KCNC2: variants seen among roughly 807,000 people sequenced by gnomAD.
KCNC2 encodes the protein voltage-gated potassium channel KCNC2.
In KCNC2, 21 loss-of-function variants were observed where a neutral mutation model predicts 44.5. That is an observed-to-expected ratio of 0.47 (90% CI 0.33 to 0.68). The LOEUF is 0.68. Among genes scored for constraint, KCNC2 ranks in the 30% least tolerant of loss-of-function variants. KCNC2 has a pLI of 0.01. For missense variants in KCNC2, 589 were observed against 826.2 expected (o/e 0.71, Z 3.52); for synonymous variants, 391 against 339.1 (o/e 1.15, Z -1.68).
intron 2 of KCNC2, among the ~76,000 whole-genome samples, chr12:75,182,263 C>T (rs765866471): frequency 6.6e-5 from 10 of 151,710 alleles, no homozygotes; most frequent in East Asian, 2.0e-4. Context: ...TGGTGGCTCA[C>T]GCCTGTAATC....
intron 2 of KCNC2, among the ~76,000 whole-genome samples, chr12:75,164,304 T>C (rs967369515): frequency 4.0e-5 from 6 of 151,668 alleles, no homozygotes; most frequent in Non-Finnish European, 4.4e-5. Flanking sequence ...AACCTAAAAT[T>C]GAATTTGATT....
intron 2 of KCNC2, among the ~76,000 whole-genome samples, chr12:75,200,209 A>G (rs186872903): frequency 6.6e-6 from 1 of 151,978 alleles, no homozygotes; most frequent in Admixed American, 6.6e-5. Context: ...AACACAGTAT[A>G]AACTAAGCAA....
chr12:75,200,080 C>T (rs935098180), intron 2 of KCNC2, among the ~76,000 whole-genome samples: 2 of 151,624 alleles, frequency 1.3e-5, no homozygotes, highest in African/African-American at 4.8e-5. Context: ...AAGGCAAATC[C>T]CTAAAATAAT....
At chr12:75,110,545 A>C (rs1887148659) in intron 2 of KCNC2, among the ~76,000 whole-genome samples, 1 of 152,120 alleles carries the variant, frequency 6.6e-6, no homozygotes, top group Non-Finnish European at 1.5e-5. Flanking sequence ...ACAAATATCA[A>C]CTGACCAGGA....
At chr12:75,104,366 T>C (rs1337761583) in intron 2 of KCNC2, among the ~76,000 whole-genome samples, 3 of 152,152 alleles carry the variant, frequency 2.0e-5, no homozygotes, top group Non-Finnish European at 4.4e-5. Flanking sequence ...ATTTAAAACT[T>C]ATGAATTGTT....
chr12:75,091,571 G>T, intron 2 of KCNC2, among the ~76,000 whole-genome samples: 1 of 151,826 alleles, frequency 6.6e-6, no homozygotes, highest in African/African-American at 2.4e-5. Context: ...TAGCGGGAAA[G>T]TTGGGTATTG....
chr12:75,043,634 AC>A (rs1399718827), intron 4 of KCNC2: 11 of 1,256,488 alleles, frequency 8.8e-6, no homozygotes, highest in Non-Finnish European at 9.1e-6. Context: ...TAAGTAGGCT[AC>A]TTTTTCTCTT....
At chr12:75,197,244 G>A (rs1312796587) in intron 2 of KCNC2, among the ~76,000 whole-genome samples, 1 of 151,886 alleles carries the variant, frequency 6.6e-6, no homozygotes, top group Non-Finnish European at 1.5e-5. Flanking sequence ...TAAGCCCAGT[G>A]GTCCCCTCCT....
intron 2 of KCNC2, among the ~76,000 whole-genome samples, chr12:75,119,676 C>T (rs1887917351): frequency 6.6e-6 from 1 of 152,090 alleles, no homozygotes; most frequent in East Asian, 1.9e-4. Flanking sequence ...ACTGCATAGG[C>T]TTTGAGGTTG....
chr12:75,112,770 A>G (rs1887353858), intron 2 of KCNC2, among the ~76,000 whole-genome samples: 1 of 152,088 alleles, frequency 6.6e-6, no homozygotes. Flanking sequence ...AAAGAAACCA[A>G]TAATCTAATA....
chr12:75,071,447 T>A (rs926258858), intron 2 of KCNC2, among the ~76,000 whole-genome samples: 1 of 152,228 alleles, frequency 6.6e-6, no homozygotes, highest in African/African-American at 2.4e-5. Flanking sequence ...TTATTTGTAA[T>A]CTTAAATGGT....
chr12:75,135,822 A>C (rs1418717037), intron 2 of KCNC2, among the ~76,000 whole-genome samples: 1 of 152,000 alleles, frequency 6.6e-6, no homozygotes, highest in African/African-American at 2.4e-5. Flanking sequence ...CAATATTTCT[A>C]ATCTTTAATT....
intron 2 of KCNC2, among the ~76,000 whole-genome samples, chr12:75,179,474 T>C (rs111781695): frequency 2.0e-5 from 3 of 151,962 alleles, no homozygotes; most frequent in Admixed American, 1.3e-4. Context: ...TCAATTCTTA[T>C]TATATGAGAA....
intron 1 of KCNC2, among the ~76,000 whole-genome samples, chr12:75,208,950 T>A (rs2031932668): frequency 6.6e-6 from 1 of 151,806 alleles, no homozygotes; most frequent in African/African-American, 2.4e-5. Flanking sequence ...CCTTAGTGGG[T>A]GGAGGGTGGG....
chr12:75,101,187 A>G (rs1886341658), intron 2 of KCNC2, among the ~76,000 whole-genome samples: 1 of 152,110 alleles, frequency 6.6e-6, no homozygotes, highest in Non-Finnish European at 1.5e-5. Context: ...AAGGAGATTT[A>G]TAACCCAGGT....
chr12:75,043,497 G>A (rs1363519961), intron 4 of KCNC2: 4 of 1,252,988 alleles, frequency 3.2e-6, no homozygotes, highest in Non-Finnish European at 4.1e-6. Flanking sequence ...ATTATAGTTA[G>A]CATTAATATA....
intron 2 of KCNC2, among the ~76,000 whole-genome samples, chr12:75,143,129 G>A (rs766633740): frequency 2.0e-5 from 3 of 152,064 alleles, no homozygotes; most frequent in Non-Finnish European, 4.4e-5. Context: ...CATCCTGGAA[G>A]TTAGGAAATT....
chr12:75,163,001 G>A (rs532687817), intron 2 of KCNC2, among the ~76,000 whole-genome samples: 1 of 151,628 alleles, frequency 6.6e-6, no homozygotes. Context: ...CGTAGAAGTG[G>A]ATCTGCAGAT....
chr12:75,074,232 A>ATTTT lies in KCNC2; in HGVS notation c.688-22919_688-22916dup, dbSNP rs5799196. On this transcript the variant is annotated intron_variant, in intron 2 of 4. Coordinates refer to ENST00000549446, the MANE Select transcript of KCNC2 (RefSeq NM_139137.4). ...AAAGAAGATCTAAGACTACTCATAG[A>ATTTT]TTTTTTTTTTTTTTTTTTTTTTTGG... Among the ~76,000 whole-genome samples, 144 of 94,834 alleles carry ATTTT rather than the reference A, an allele frequency of 1.5e-3. 2 individuals carry two copies. The highest frequency in any genetic ancestry group is 5.4e-3 in the African/African-American group (136 of 25,030). The allele number at this position is 94,834 out of a possible 152,430, so 62.2% of individuals were successfully genotyped here. A position where few individuals can be genotyped will look rare whatever the true frequency, so the allele number is the denominator to read the frequency against.
Sources: gnomAD v4.1 joint callset for allele counts (sites outside exome capture counted in the v4.1 genomes callset) on GRCh38, gnomAD v4.1.1 for gene constraint, MANE v1.5 for transcripts, NCBI Gene and HGNC (gene_info 2026-07-23, HGNC 2026-07-21) for gene names.